The following GREB1L variants were observed in gnomAD, a reference collection of about 807,000 sequenced individuals.
GREB1L encodes the protein GREB1 like retinoic acid receptor coactivator, also known as GREB1-like protein.
Under a neutral mutation model 200.8 loss-of-function variants are expected in GREB1L, and 17 were observed. The observed-to-expected ratio is 0.08, with a 90% CI of 0.06 to 0.13. The LOEUF (loss-of-function observed/expected upper bound fraction) is 0.13, where lower values mean the gene tolerates loss of function less well. GREB1L is among the 10% of genes least tolerant of loss of function. The probability of loss-of-function intolerance (pLI) is 1.00; values close to 1 mark genes in which losing one functional copy is unlikely to be tolerated. For missense variants in GREB1L, 1,657 were observed against 2,367.7 expected, an observed-to-expected ratio of 0.70 and a Z score of 6.23; for synonymous variants, 789 against 893.0, an observed-to-expected ratio of 0.88 and a Z score of 2.08.
At chr18:21,315,753 G>A (rs944358018) in intron 1 of GREB1L, among the ~76,000 whole-genome samples, 22 of 151,954 alleles carry the variant, frequency 1.4e-4, no homozygotes, top group African/African-American at 4.4e-4. Flanking sequence ...GGACAAATAC[G>A]CCTTCTTAAT....
At chr18:21,313,232 A>C (rs765658354) in intron 1 of GREB1L, among the ~76,000 whole-genome samples, 2 of 152,080 alleles carry the variant, frequency 1.3e-5, no homozygotes, top group Non-Finnish European at 2.9e-5. Context: ...CTAAGAAAGA[A>C]AAATAAGAGC....
intron 1 of GREB1L, among the ~76,000 whole-genome samples, chr18:21,318,163 T>C (rs2038901838): frequency 6.7e-6 from 1 of 150,134 alleles, no homozygotes; most frequent in South Asian, 2.1e-4. Flanking sequence ...GAGAATAGCC[T>C]CCTGGATTGG....
chr18:21,304,811 C>A (rs2038674414), intron 1 of GREB1L, among the ~76,000 whole-genome samples: 1 of 151,980 alleles, frequency 6.6e-6, no homozygotes, highest in Admixed American at 6.6e-5. Flanking sequence ...ATGCTCATTC[C>A]CACCTAGGGG....
intron 1 of GREB1L, among the ~76,000 whole-genome samples, chr18:21,299,952 G>A (rs1316424357): frequency 2.0e-5 from 3 of 151,958 alleles, no homozygotes; most frequent in Admixed American, 6.6e-5. Flanking sequence ...TGACCAGAAA[G>A]AATGAAACTA....
intron 7 of GREB1L, among the ~76,000 whole-genome samples, chr18:21,427,912 C>G (rs540640069): frequency 6.6e-6 from 1 of 152,122 alleles, no homozygotes; most frequent in African/African-American, 2.4e-5. Context: ...ATATCTTGGC[C>G]GGGCGCGGTG....
chr18:21,501,147 C>A, intron 23 of GREB1L, among the ~76,000 whole-genome samples: 1 of 151,430 alleles, frequency 6.6e-6, no homozygotes, highest in East Asian at 1.9e-4. Flanking sequence ...AAACTGTAGC[C>A]TTTTTTAGCT....
At chr18:21,402,719 C>T (rs879381572) in intron 6 of GREB1L, among the ~76,000 whole-genome samples, 15 of 151,800 alleles carry the variant, frequency 9.9e-5, no homozygotes, top group African/African-American at 3.1e-4. Flanking sequence ...GACAGGGTTT[C>T]GCCATGTTGC....
intron 7 of GREB1L, among the ~76,000 whole-genome samples, chr18:21,418,348 C>A (rs1425027236): frequency 6.6e-6 from 1 of 152,124 alleles, no homozygotes; most frequent in Non-Finnish European, 1.5e-5. Flanking sequence ...GGCATAATAT[C>A]TGCATATCAC....
intron 16 of GREB1L, among the ~76,000 whole-genome samples, chr18:21,475,317 C>G (rs528258453): frequency 1.8e-4 from 27 of 151,972 alleles, no homozygotes; most frequent in African/African-American, 6.0e-4. Flanking sequence ...GAAAGCTTCC[C>G]CAGTTTCCCA....
intron 15 of GREB1L, among the ~76,000 whole-genome samples, chr18:21,471,616 G>A (rs991006651): frequency 3.2e-4 from 27 of 85,054 alleles, no homozygotes; most frequent in African/African-American, 8.7e-4. Context: ...CCTCTCTTTT[G>A]TTTCTTTTTT....
chr18:21,436,477 T>TA (rs1045021098), intron 7 of GREB1L, among the ~76,000 whole-genome samples: 8 of 151,896 alleles, frequency 5.3e-5, no homozygotes, highest in Non-Finnish European at 7.4e-5. Context: ...CTACAAAAGA[T>TA]AAAAAAATTA....
chr18:21,405,674 G>A (rs138664978), intron 7 of GREB1L, among the ~76,000 whole-genome samples: 1,784 of 152,214 alleles, frequency 0.012, 38 homozygotes, highest in African/African-American at 0.041. Flanking sequence ...GGTGGCATGC[G>A]CCTGTAATTC....
At chr18:21,304,620 G>A (rs554572414) in intron 1 of GREB1L, among the ~76,000 whole-genome samples, 1 of 152,250 alleles carries the variant, frequency 6.6e-6, no homozygotes, top group Admixed American at 6.5e-5. Flanking sequence ...TGACATGTAA[G>A]ATGTACAAAA....
At chr18:21,479,879 A>G (rs1393717773) in intron 17 of GREB1L, among the ~76,000 whole-genome samples, 1 of 152,064 alleles carries the variant, frequency 6.6e-6, no homozygotes, top group Non-Finnish European at 1.5e-5. Flanking sequence ...TAGCAGAGCT[A>G]CATGCACATA....
intron 1 of GREB1L, among the ~76,000 whole-genome samples, chr18:21,290,498 G>A (rs1018444597): frequency 3.9e-5 from 6 of 152,036 alleles, no homozygotes; most frequent in African/African-American, 1.5e-4. Flanking sequence ...ATCATGATTT[G>A]GGTTTTTCCC....
chr18:21,273,602 G>A (rs2038114036), intron 1 of GREB1L, among the ~76,000 whole-genome samples: 1 of 152,172 alleles, frequency 6.6e-6, no homozygotes, highest in Non-Finnish European at 1.5e-5. Flanking sequence ...TGGGATGAGG[G>A]CTAGAAAAGG....
chr18:21,345,799 G>C (rs1476083273), intron 1 of GREB1L, among the ~76,000 whole-genome samples: 1 of 151,244 alleles, frequency 6.6e-6, no homozygotes, highest in Non-Finnish European at 1.5e-5. Flanking sequence ...TTGAAACTGG[G>C]AGCTGGAGGT....
In GREB1L at chr18:21,485,954, C is replaced by T. The variant is rs1480871633; in HGVS notation, c.2690+201C>T. Among the ~76,000 whole-genome samples the T allele has an allele frequency of 7.9e-5, 12 of 152,302 alleles. No individual in the cohort carries two copies. The East Asian group carries it at 2.3e-3, about 29-fold the overall frequency. ...CATCCAAGATCAATAAAGGAAAATA[C>T]AACCAAAGTGGGCCATTGCACTACT... On this transcript the variant is annotated intron_variant, in intron 18 of 32. Transcript: ENST00000424526.
chr18:21,267,241 G>A (rs1436141900), intron 1 of GREB1L, among the ~76,000 whole-genome samples: 1 of 149,134 alleles, frequency 6.7e-6, no homozygotes, highest in Middle Eastern at 3.4e-3. Context: ...GACTGCAGTG[G>A]CATGATCTTG....
Sources: allele counts gnomAD v4.1 joint callset (sites outside exome capture counted in the v4.1 genomes callset), GRCh38; gene constraint gnomAD v4.1.1; transcripts MANE v1.5; gene names NCBI Gene and HGNC (gene_info 2026-07-23, HGNC 2026-07-21).